Variants in FAM13B observed in about 807,000 individuals in gnomAD.
FAM13B encodes family with sequence similarity 13 member B, also known as protein FAM13B.
FAM13B carries 60 observed loss-of-function variants against 117.3 expected under a neutral mutation model. The observed-to-expected ratio is 0.51, with a 90% CI of 0.42 to 0.63. The LOEUF (loss-of-function observed/expected upper bound fraction) is 0.63. Among genes scored for constraint, FAM13B ranks in the 30% least tolerant of loss-of-function variants. FAM13B has a pLI of 0.00. For synonymous variants in FAM13B, 332 were observed against 356.1 expected, an observed-to-expected ratio of 0.93 and a Z score of 0.76; for missense variants, 972 against 1,091.9, an observed-to-expected ratio of 0.89 and a Z score of 1.55.
At chr5:137,948,494 T>C (rs1022065702) in intron 18 of FAM13B, among the ~76,000 whole-genome samples, 4 of 152,034 alleles carry the variant, frequency 2.6e-5, no homozygotes, top group East Asian at 1.9e-4. Context: ...CCGGGCTCCA[T>C]TGATCCTCCC....
At chr5:137,996,905 T>C (rs1780008646) in intron 7 of FAM13B, among the ~76,000 whole-genome samples, 1 of 152,228 alleles carries the variant, frequency 6.6e-6, no homozygotes, top group Admixed American at 6.5e-5. Flanking sequence ...ATTTTTCATC[T>C]TTCTAAATTG....
chr5:137,999,680 CA>C (rs1242070024), intron 7 of FAM13B, among the ~76,000 whole-genome samples: 2 of 152,302 alleles, frequency 1.3e-5, no homozygotes. Context: ...ATTACTATAA[CA>C]AAATGCCATA....
intron 19 of FAM13B, 106 bp from the exon 20 acceptor site, chr5:137,946,103 T>TAG (rs1311120208): frequency 8.1e-7 from 1 of 1,233,434 alleles, no homozygotes; most frequent in Non-Finnish European, 1.2e-6. Context: ...ATTAAATACA[T>TAG]AGGCAATCCC....
intron 17 of FAM13B, among the ~76,000 whole-genome samples, chr5:137,950,064 G>T (rs959038950): frequency 6.6e-6 from 1 of 152,164 alleles, no homozygotes; most frequent in African/African-American, 2.4e-5. Context: ...GGGCATGGGA[G>T]ATACAGAAGA....
Position 138,018,995 on chromosome 5 carries a change from T to A in FAM13B, c.117A>T (p.Pro39=). The A allele has an allele frequency of 6.2e-7, 1 of 1,614,178 alleles. No homozygotes were observed. The highest frequency in any genetic ancestry group is 8.5e-7 in the Non-Finnish European group (1 of 1,180,012). Residue 39 remains proline, a synonymous_variant, in exon 3 of 24, where the codon CCA becomes CCT. Transcript: ENST00000689681. ...QQGGHPDNEV[P]FIVRHVVDYI... The stretch of plus-strand genomic sequence containing the variant: ...AGTCCACAACGTGGCGGACTATGAA[T>A]GGAACCTCATTGTCTGGATGTCCTC...
chr5:138,045,064 C>G (rs928846008), intron 1 of FAM13B, among the ~76,000 whole-genome samples: 1 of 152,190 alleles, frequency 6.6e-6, no homozygotes, highest in South Asian at 2.1e-4. Context: ...CATAATATCT[C>G]TAGAACTAAA....
intron 14 of FAM13B, 92 bp from the exon 15 acceptor site, chr5:137,954,468 A>C (rs921827166): frequency 2.2e-6 from 2 of 898,852 alleles, no homozygotes; most frequent in Admixed American, 4.8e-5. Flanking sequence ...TCCTTAAATC[A>C]TATCATTATG....
intron 10 of FAM13B, among the ~76,000 whole-genome samples, chr5:137,967,020 T>C (rs1347085525): frequency 2.6e-5 from 4 of 151,294 alleles, no homozygotes; most frequent in Non-Finnish European, 5.9e-5. Flanking sequence ...AATGAAACCA[T>C]AGAAGTATTT....
At chr5:138,033,167 C>T (rs1172376409), upstream of FAM13B, 4 of 527,294 alleles carry the variant, frequency 7.6e-6, no homozygotes, top group African/African-American at 8.2e-5. Context: ...GGTCCCCACC[C>T]CCACAGCATT....
chr5:137,942,273 T>C lies in FAM13B; in HGVS notation c.2589-228A>G, dbSNP rs1031703850. ...CTCAGAACCAGTGACATACACCATA[T>C]CATCCAAAGGTAAAGAAGTGGATAT... On this transcript the variant is annotated intron_variant, in intron 22 of 23. Coordinates refer to ENST00000689681, the MANE Select transcript of FAM13B (RefSeq NM_001385994.1). 1.3e-5 allele frequency: 7 copies of C among 533,708 alleles called. No homozygotes were observed. The African/African-American group carries it at 1.4e-4, about 10-fold the overall frequency. The allele number at this position is 533,708 out of a possible 1,614,324, so 33.1% of individuals were successfully genotyped here. A position where few individuals can be genotyped will look rare whatever the true frequency, so the allele number is the denominator to read the frequency against.
Position 138,011,960 on chromosome 5 carries a change from T to A in FAM13B, c.371-15A>T. ...ATTATTATAATCTATAAAACAATAATAACAGGTTTTTTTCAATAAAGGAAA... is the reference window on the plus strand; with the variant it reads ...ATTATTATAATCTATAAAACAATAAAAACAGGTTTTTTTCAATAAAGGAAA... On this transcript the variant is annotated splice_polypyrimidine_tract_variant and intron_variant, in intron 4 of 23. Coordinates refer to ENST00000689681, the MANE Select transcript of FAM13B (RefSeq NM_001385994.1). 1 of 1,541,794 alleles carries A rather than the reference T, an allele frequency of 6.5e-7. No homozygotes were observed. The highest frequency in any genetic ancestry group is 1.4e-5 in the African/African-American group (1 of 70,854).
At chr5:138,036,830 G>A (rs1442936305), upstream of FAM13B, 1 of 345,052 alleles carries the variant, frequency 2.9e-6, no homozygotes, top group African/African-American at 2.1e-5. Flanking sequence ...GGGGGACCAT[G>A]TGTGCAGACA....
At chr5:137,986,511 T>C (rs1237634479) in intron 9 of FAM13B, among the ~76,000 whole-genome samples, 20 of 150,114 alleles carry the variant, frequency 1.3e-4, no homozygotes, top group Non-Finnish European at 1.5e-5. Context: ...TATCCTGAAA[T>C]ACAGGACTGA....
intron 1 of FAM13B, among the ~76,000 whole-genome samples, chr5:138,032,472 G>A (rs924300051): frequency 1.8e-4 from 28 of 152,234 alleles, no homozygotes; most frequent in Non-Finnish European, 1.5e-5. Flanking sequence ...AACGTGGGGT[G>A]TCGCGCCATC....
intron 7 of FAM13B, among the ~76,000 whole-genome samples, chr5:137,999,601 A>G (rs1047150496): frequency 2.6e-5 from 4 of 152,048 alleles, no homozygotes; most frequent in African/African-American, 9.7e-5. Context: ...TTCCAAAGCA[A>G]CTTCCATATT....
intron 10 of FAM13B, among the ~76,000 whole-genome samples, chr5:137,972,739 G>C (rs914452566): frequency 6.6e-6 from 1 of 151,770 alleles, no homozygotes; most frequent in Non-Finnish European, 1.5e-5. Flanking sequence ...ATCTCCTTAA[G>C]CTGATAAGCA....
intron 10 of FAM13B, among the ~76,000 whole-genome samples, chr5:137,977,781 T>C (rs1774443682): frequency 6.6e-6 from 1 of 152,246 alleles, no homozygotes; most frequent in South Asian, 2.1e-4. Context: ...CATGAAATCC[T>C]CTACCTACCA....
At chr5:138,013,681 T>C (rs892178427) in intron 4 of FAM13B, among the ~76,000 whole-genome samples, 26 of 152,326 alleles carry the variant, frequency 1.7e-4, no homozygotes, top group Non-Finnish European at 3.1e-4. Context: ...GATTAATGTT[T>C]AAATCACTGG....
chr5:137,951,900 C>A lies in FAM13B; in HGVS notation c.1930+728G>T, dbSNP rs1183284733. Among the ~76,000 whole-genome samples, 6 of 151,972 alleles carry A rather than the reference C, an allele frequency of 3.9e-5. No homozygotes were observed. In the South Asian group the frequency reaches 1.2e-3, roughly 32 times the overall value. Reference sequence around the variant, plus strand: ...GCTAAGGCACAAGAATCACTTGAACCCAGGAGGCAGAGGTTGCAGTGAGCT... The same window carrying A: ...GCTAAGGCACAAGAATCACTTGAACACAGGAGGCAGAGGTTGCAGTGAGCT... On this transcript the variant is annotated intron_variant, in intron 17 of 23. Coordinates refer to ENST00000689681, the MANE Select transcript of FAM13B (RefSeq NM_001385994.1).
Sources: allele counts gnomAD v4.1 joint callset (sites outside exome capture counted in the v4.1 genomes callset), GRCh38; gene constraint gnomAD v4.1.1; transcripts MANE v1.5; gene names NCBI Gene and HGNC (gene_info 2026-07-23, HGNC 2026-07-21).